TBL1XR1: variants seen among roughly 807,000 people sequenced by gnomAD.
TBL1XR1 encodes F-box-like/WD repeat-containing protein TBL1XR1.
A neutral mutation model predicts 66.9 loss-of-function variants in TBL1XR1; 5 were observed. That is an observed-to-expected ratio of 0.07 (90% CI 0.04 to 0.16). The LOEUF is 0.16. Ranked by LOEUF, TBL1XR1 falls within the 10% of genes least tolerant of loss-of-function variation. The pLI, the probability that TBL1XR1 is intolerant of heterozygous loss-of-function variation, is 1.00. For missense variants in TBL1XR1, 238 were observed against 623.2 expected (o/e 0.38, Z 6.58); for synonymous variants, 210 against 206.0 (o/e 1.02, Z -0.17).
chr3:177,093,831 A>T (rs1723125228), intron 2 of TBL1XR1, among the ~76,000 whole-genome samples: 1 of 152,244 alleles, frequency 6.6e-6, no homozygotes, highest in African/African-American at 2.4e-5. Context: ...CTCAAGATGG[A>T]TCAAAGAGTT....
intron 2 of TBL1XR1, among the ~76,000 whole-genome samples, chr3:177,069,788 GA>G (rs1719673293): frequency 1.2e-5 from 1 of 83,548 alleles, no homozygotes; most frequent in Non-Finnish European, 2.4e-5. Flanking sequence ...GAAGGAAAAG[GA>G]AGGAAAGGAA....
At chr3:177,051,831 AAC>A in intron 4 of TBL1XR1, 105 bp from the exon 5 acceptor site, 2 of 1,353,936 alleles carry the variant, frequency 1.5e-6, no homozygotes, top group Admixed American at 3.1e-5. Flanking sequence ...TTCCTAAAAA[AAC>A]ATTTTTAGGA....
chr3:177,169,283 A>G (rs1733187494), intron 1 of TBL1XR1, among the ~76,000 whole-genome samples: 1 of 152,220 alleles, frequency 6.6e-6, no homozygotes. Flanking sequence ...AAGGAGAAAT[A>G]AGTTATAATC....
upstream of TBL1XR1, among the ~76,000 whole-genome samples, chr3:177,199,404 T>A (rs887120987): frequency 5.3e-5 from 8 of 151,312 alleles, no homozygotes; most frequent in African/African-American, 1.9e-4. Flanking sequence ...AGTTGATAAA[T>A]GACGTAGATA....
chr3:177,051,823 C>T, intron 4 of TBL1XR1, 97 bp from the exon 5 acceptor site: 3 of 1,359,484 alleles, frequency 2.2e-6, no homozygotes. Flanking sequence ...AATCTTCGTT[C>T]CTAAAAAAAC....
At chr3:177,055,585 C>G (rs1232998215) in intron 3 of TBL1XR1, among the ~76,000 whole-genome samples, 1 of 151,540 alleles carries the variant, frequency 6.6e-6, no homozygotes, top group Non-Finnish European at 1.5e-5. Flanking sequence ...GGAGAAGCAC[C>G]GTTTTGAATT....
At chr3:177,154,203 T>A (rs1238466260) in intron 1 of TBL1XR1, among the ~76,000 whole-genome samples, 1 of 152,066 alleles carries the variant, frequency 6.6e-6, no homozygotes, top group South Asian at 2.1e-4. Context: ...ATATATCTCA[T>A]GACAAAATTA....
At chr3:177,066,868 T>A (rs1719233479) in intron 2 of TBL1XR1, among the ~76,000 whole-genome samples, 1 of 152,040 alleles carries the variant, frequency 6.6e-6, no homozygotes. Flanking sequence ...AGAGGAAGAG[T>A]GACAATTACA....
chr3:177,140,017 A>C (rs1312485364), intron 1 of TBL1XR1, among the ~76,000 whole-genome samples: 4 of 152,122 alleles, frequency 2.6e-5, no homozygotes, highest in Non-Finnish European at 2.9e-5. Context: ...AAATACCTTG[A>C]AACAGCCAGG....
intron 2 of TBL1XR1, among the ~76,000 whole-genome samples, chr3:177,097,405 C>T (rs958825230): frequency 1.3e-5 from 2 of 151,924 alleles, no homozygotes; most frequent in Non-Finnish European, 2.9e-5. Flanking sequence ...CTCTGACTTC[C>T]AGTTAACAAT....
chr3:177,184,050 A>T (rs183098900), intron 1 of TBL1XR1, among the ~76,000 whole-genome samples: 49 of 152,246 alleles, frequency 3.2e-4, no homozygotes, highest in African/African-American at 1.1e-3. Flanking sequence ...AGTGCAGCAC[A>T]ATTCTGTGCA....
intron 1 of TBL1XR1, among the ~76,000 whole-genome samples, chr3:177,143,907 G>A (rs1006405483): frequency 1.3e-5 from 2 of 152,304 alleles, no homozygotes; most frequent in East Asian, 1.9e-4. Context: ...ACAGATATAC[G>A]AGGACAGTGG....
At chr3:177,107,342 G>C (rs1560182946) in intron 1 of TBL1XR1, among the ~76,000 whole-genome samples, 1 of 152,100 alleles carries the variant, frequency 6.6e-6, no homozygotes, top group Non-Finnish European at 1.5e-5. Context: ...TTTCAAATTG[G>C]TTTCTTTAAT....
At chr3:177,136,059 T>C (rs537266125) in intron 1 of TBL1XR1, among the ~76,000 whole-genome samples, 2 of 152,250 alleles carry the variant, frequency 1.3e-5, no homozygotes, top group African/African-American at 4.8e-5. Context: ...GTTTTCAAAC[T>C]GCAGGTCACA....
chr3:177,036,039 A>C (rs1714735069), intron 12 of TBL1XR1, among the ~76,000 whole-genome samples: 1 of 152,218 alleles, frequency 6.6e-6, no homozygotes, highest in East Asian at 1.9e-4. Context: ...CAAGCTAGCT[A>C]GGTAAACTAC....
intron 1 of TBL1XR1, among the ~76,000 whole-genome samples, chr3:177,152,047 T>C (rs1326991833): frequency 1.3e-5 from 2 of 152,120 alleles, no homozygotes; most frequent in Non-Finnish European, 2.9e-5. Context: ...ATACTACTAC[T>C]GAATACAATT....
intron 1 of TBL1XR1, among the ~76,000 whole-genome samples, chr3:177,155,338 T>A (rs950368869): frequency 6.6e-6 from 1 of 152,128 alleles, no homozygotes; most frequent in African/African-American, 2.4e-5. Flanking sequence ...TTGTGAATTA[T>A]GAAAAATAAA....
Position 177,025,475 on chromosome 3 carries a change from T to C in TBL1XR1, c.*23A>G. On this transcript the variant is annotated 3_prime_UTR_variant, in exon 16 of 16. Transcript: ENST00000457928. ...TGGCTATGTACACATTCATAGTCGG[T>C]CCATGGCTTCCAACTAGTAGCGCTA... The C allele has an allele frequency of 1.2e-6, 2 of 1,611,878 alleles. No homozygotes were observed. The highest frequency in any genetic ancestry group is 1.7e-6 in the Non-Finnish European group (2 of 1,179,328).
intron 1 of TBL1XR1, among the ~76,000 whole-genome samples, chr3:177,135,063 T>C (rs1188054958): frequency 1.3e-5 from 2 of 150,916 alleles, no homozygotes; most frequent in Admixed American, 1.3e-4. Flanking sequence ...AGTGCAATGA[T>C]GCCATCTCTG....
Sources: gnomAD v4.1 joint callset for allele counts (sites outside exome capture counted in the v4.1 genomes callset) on GRCh38, gnomAD v4.1.1 for gene constraint, MANE v1.5 for transcripts, NCBI Gene and HGNC (gene_info 2026-07-23, HGNC 2026-07-21) for gene names.